TRPC4: variants seen among roughly 807,000 people sequenced by gnomAD.
The protein encoded by TRPC4 is transient receptor potential cation channel subfamily C member 4, also known as short transient receptor potential channel 4.
Under a neutral mutation model 99.4 loss-of-function variants are expected in TRPC4, and 49 were observed. The ratio of observed to expected loss-of-function variants is 0.49; its 90% CI spans 0.39 to 0.63. The LOEUF is 0.63. TRPC4 is among the 20% of genes least tolerant of loss of function. TRPC4 has a pLI of 0.00. For missense variants in TRPC4, 898 were observed against 1,152.9 expected, an observed-to-expected ratio of 0.78 and a Z score of 3.20; for synonymous variants, 454 against 425.9, an observed-to-expected ratio of 1.07 and a Z score of -0.81.
At chr13:37,804,864 A>G (rs1055837672) in intron 1 of TRPC4, among the ~76,000 whole-genome samples, 1 of 152,092 alleles carries the variant, frequency 6.6e-6, no homozygotes, top group Non-Finnish European at 1.5e-5. Context: ...ACTTAAAGAC[A>G]CATAAAAGAT....
chr13:37,640,779 T>C (rs56361602), intron 8 of TRPC4, among the ~76,000 whole-genome samples: 31,807 of 152,038 alleles, frequency 0.21, 3,927 homozygotes, highest in Non-Finnish European at 0.28. Context: ...TTACTTAAAC[T>C]AAAATACTAA....
At chr13:37,799,095 C>T (rs1436006857) in intron 1 of TRPC4, among the ~76,000 whole-genome samples, 3 of 152,126 alleles carry the variant, frequency 2.0e-5, no homozygotes, top group East Asian at 3.9e-4. Flanking sequence ...CCTTGCCCAG[C>T]TAATTTTTTT....
At chr13:37,662,660 A>G (rs913817354) in intron 6 of TRPC4, among the ~76,000 whole-genome samples, 30 of 152,232 alleles carry the variant, frequency 2.0e-4, no homozygotes, top group African/African-American at 7.2e-4. Context: ...TGGTTACTGT[A>G]TGGAGGAAAA....
chr13:37,745,454 A>ATGCG (rs1428607220), intron 3 of TRPC4, among the ~76,000 whole-genome samples: 2 of 3,114 alleles, frequency 6.4e-4, no homozygotes, highest in African/African-American at 1.2e-3. Flanking sequence ...ATATATATAT[A>ATGCG]TATATATATA....
intron 1 of TRPC4, among the ~76,000 whole-genome samples, chr13:37,786,811 T>C (rs1468276542): frequency 1.3e-5 from 2 of 152,042 alleles, no homozygotes; most frequent in African/African-American, 2.4e-5. Context: ...CAAATTATAT[T>C]TAGAAGATTT....
intron 3 of TRPC4, among the ~76,000 whole-genome samples, chr13:37,711,223 G>A (rs1349441331): frequency 2.0e-5 from 3 of 151,678 alleles, no homozygotes; most frequent in African/African-American, 7.3e-5. Flanking sequence ...ATAACTTTTT[G>A]GAACAGAGTT....
chr13:37,783,508 A>G, intron 1 of TRPC4, 148 bp from the exon 2 acceptor site: 1 of 501,518 alleles, frequency 2.0e-6, no homozygotes, highest in Non-Finnish European at 3.1e-6. Flanking sequence ...TTTTTCTTCA[A>G]CAATATAAAT....
chr13:37,818,233 A>G (rs975160101), intron 1 of TRPC4, among the ~76,000 whole-genome samples: 1 of 152,026 alleles, frequency 6.6e-6, no homozygotes, highest in African/African-American at 2.4e-5. Context: ...AAAAAATGCA[A>G]ATCAAAATTA....
chr13:37,747,693 T>C (rs1446946794), intron 2 of TRPC4, among the ~76,000 whole-genome samples: 1 of 152,162 alleles, frequency 6.6e-6, no homozygotes. Flanking sequence ...TTTAAAGTCA[T>C]CTGGCCATAT....
chr13:37,808,467 G>C (rs1032047436), intron 1 of TRPC4, among the ~76,000 whole-genome samples: 2 of 152,030 alleles, frequency 1.3e-5, no homozygotes, highest in Non-Finnish European at 2.9e-5. Flanking sequence ...ATGGAACTGT[G>C]ATGTACCACC....
At chr13:37,822,146 A>G (rs1958031122) in intron 1 of TRPC4, among the ~76,000 whole-genome samples, 1 of 151,812 alleles carries the variant, frequency 6.6e-6, no homozygotes, top group Middle Eastern at 3.2e-3. Context: ...GTGGACATGA[A>G]CAGACACTTT....
intron 2 of TRPC4, among the ~76,000 whole-genome samples, chr13:37,768,399 G>T (rs1240641279): frequency 6.6e-6 from 1 of 151,460 alleles, no homozygotes; most frequent in Non-Finnish European, 1.5e-5. Context: ...CCAGGCAAAA[G>T]AAAACTGTTG....
intron 2 of TRPC4, among the ~76,000 whole-genome samples, chr13:37,753,781 C>T (rs1236591710): frequency 6.6e-6 from 1 of 152,124 alleles, no homozygotes; most frequent in Non-Finnish European, 1.5e-5. Context: ...ATTGCAGAAG[C>T]TGCTAATGCA....
At chr13:37,780,121 T>A (rs7325550) in intron 2 of TRPC4, among the ~76,000 whole-genome samples, 78,554 of 151,470 alleles carry the variant, frequency 0.52, 20,858 homozygotes, top group East Asian at 0.78. Context: ...ATTGTTCCCC[T>A]GTGAAAGCCT....
At chr13:37,825,273 T>C (rs1958168187) in intron 1 of TRPC4, among the ~76,000 whole-genome samples, 1 of 151,846 alleles carries the variant, frequency 6.6e-6, no homozygotes, top group African/African-American at 2.4e-5. Flanking sequence ...TCTATTTCCT[T>C]CAGGTCTGCT....
chr13:37,716,500 A>G (rs2139011013), intron 3 of TRPC4, among the ~76,000 whole-genome samples: 1 of 152,328 alleles, frequency 6.6e-6, no homozygotes, highest in Middle Eastern at 3.4e-3. Flanking sequence ...TTGAGTATCT[A>G]GTCAAGTTTT....
intron 1 of TRPC4, among the ~76,000 whole-genome samples, chr13:37,823,552 T>C (rs571339784): frequency 1.2e-3 from 181 of 152,116 alleles, no homozygotes; most frequent in Non-Finnish European, 1.9e-3. Context: ...TGCTTGTTTT[T>C]CTCAGGTTTG....
chr13:37,755,139 T>C (rs1317964738), intron 2 of TRPC4, among the ~76,000 whole-genome samples: 1 of 152,104 alleles, frequency 6.6e-6, no homozygotes, highest in Non-Finnish European at 1.5e-5. Flanking sequence ...AATTTAAGGG[T>C]ATTCATTCTA....
intron 3 of TRPC4, among the ~76,000 whole-genome samples, chr13:37,720,411 C>T (rs1593585014): frequency 2.6e-5 from 4 of 152,054 alleles, no homozygotes; most frequent in Admixed American, 1.3e-4. Context: ...TAAGTCTGTC[C>T]GTTGTTTTGG....
Sources: allele counts gnomAD v4.1 joint callset (sites outside exome capture counted in the v4.1 genomes callset), GRCh38; gene constraint gnomAD v4.1.1; transcripts MANE v1.5; gene names NCBI Gene and HGNC (gene_info 2026-07-23, HGNC 2026-07-21).